The following NCK2 variants were observed in gnomAD, a reference collection of about 807,000 sequenced individuals.
NCK2 encodes the protein cytoplasmic protein NCK2.
In NCK2, 16 loss-of-function variants were observed where a neutral mutation model predicts 33.9. That is an observed-to-expected ratio of 0.47 (90% CI 0.32 to 0.72). NCK2 has a LOEUF of 0.72. Among genes scored for constraint, NCK2 ranks in the 30% least tolerant of loss-of-function variants. The pLI, the probability that NCK2 is intolerant of heterozygous loss-of-function variation, is 0.03. For synonymous variants in NCK2, 273 were observed against 239.9 expected, an observed-to-expected ratio of 1.14 and a Z score of -1.27; for missense variants, 418 against 537.3, an observed-to-expected ratio of 0.78 and a Z score of 2.19.
intron 1 of NCK2, among the ~76,000 whole-genome samples, chr2:105,789,616 T>C (rs1690806403): frequency 6.6e-6 from 1 of 152,250 alleles, no homozygotes; most frequent in African/African-American, 2.4e-5. Flanking sequence ...CATAAAATCC[T>C]TATAGGAGCA....
At chr2:105,820,315 G>A (rs143020992) in intron 2 of NCK2, among the ~76,000 whole-genome samples, 11 of 152,280 alleles carry the variant, frequency 7.2e-5, no homozygotes, top group African/African-American at 1.2e-4. Context: ...CATACACTTC[G>A]GCATGTCAGA....
chr2:105,815,194 A>G (rs1426084873), intron 1 of NCK2, among the ~76,000 whole-genome samples: 1 of 152,212 alleles, frequency 6.6e-6, no homozygotes, highest in Non-Finnish European at 1.5e-5. Flanking sequence ...TTTGGCCATC[A>G]CCTTTTCCTT....
At chr2:105,788,340 G>A (rs1690753958) in intron 1 of NCK2, among the ~76,000 whole-genome samples, 1 of 152,100 alleles carries the variant, frequency 6.6e-6, no homozygotes, top group Non-Finnish European at 1.5e-5. Context: ...AAAGGAGAGG[G>A]AAATTCTTTT....
intron 1 of NCK2, among the ~76,000 whole-genome samples, chr2:105,749,243 A>G (rs923513124): frequency 1.3e-5 from 2 of 151,984 alleles, no homozygotes; most frequent in African/African-American, 2.4e-5. Flanking sequence ...CCTTCTTTCT[A>G]CTGTTGTATT....
chr2:105,792,674 C>T (rs1690930232), intron 1 of NCK2, among the ~76,000 whole-genome samples: 1 of 151,982 alleles, frequency 6.6e-6, no homozygotes, highest in Admixed American at 6.6e-5. Flanking sequence ...ATTTGGGCTT[C>T]CCACAGTCTG....
intron 1 of NCK2, among the ~76,000 whole-genome samples, chr2:105,802,188 C>T (rs1356561720): frequency 1.3e-5 from 2 of 152,158 alleles, no homozygotes; most frequent in African/African-American, 2.4e-5. Flanking sequence ...GAACAATGGA[C>T]GGAAACTGAT....
chr2:105,799,823 C>T (rs538227504), intron 1 of NCK2, among the ~76,000 whole-genome samples: 9 of 152,314 alleles, frequency 5.9e-5, no homozygotes, highest in East Asian at 3.9e-4. Context: ...CCTTCCCCTC[C>T]GCCATCTTGC....
At chr2:105,769,067 C>G (rs367751146) in intron 1 of NCK2, among the ~76,000 whole-genome samples, 1 of 152,170 alleles carries the variant, frequency 6.6e-6, no homozygotes, top group African/African-American at 2.4e-5. Context: ...TCCAGGCTAT[C>G]TAGGGGCACC....
At chr2:105,838,367 A>G (rs1676513282) in intron 2 of NCK2, among the ~76,000 whole-genome samples, 1 of 151,454 alleles carries the variant, frequency 6.6e-6, no homozygotes, top group African/African-American at 2.4e-5. Flanking sequence ...CAGTCATTTA[A>G]TGAGCTTTCC....
At chr2:105,815,001 C>G (rs1207419106) in intron 1 of NCK2, among the ~76,000 whole-genome samples, 1 of 152,146 alleles carries the variant, frequency 6.6e-6, no homozygotes, top group African/African-American at 2.4e-5. Flanking sequence ...AGCACATTGC[C>G]CTTTGCTGAT....
chr2:105,877,763 G>A (rs1326636775), intron 3 of NCK2, among the ~76,000 whole-genome samples: 1 of 152,170 alleles, frequency 6.6e-6, no homozygotes, highest in Non-Finnish European at 1.5e-5. Context: ...GCCGCTATCA[G>A]AACTATGCTC....
chr2:105,828,717 TC>T (rs1431634347), intron 2 of NCK2, among the ~76,000 whole-genome samples: 1 of 152,160 alleles, frequency 6.6e-6, no homozygotes, highest in East Asian at 1.9e-4. Flanking sequence ...GGTCACCACT[TC>T]CCCCTTGGGG....
chr2:105,771,624 C>G (rs1389493099), intron 1 of NCK2, among the ~76,000 whole-genome samples: 3 of 152,166 alleles, frequency 2.0e-5, no homozygotes, highest in Admixed American at 6.5e-5. Context: ...TGTTTCTAAT[C>G]ATGTCACTTA....
At chr2:105,858,954 C>T (rs1558873396) in intron 3 of NCK2, among the ~76,000 whole-genome samples, 1 of 152,310 alleles carries the variant, frequency 6.6e-6, no homozygotes, top group African/African-American at 2.4e-5. Context: ...TAACAGGGAA[C>T]AATGATCAAG....
chr2:105,794,354 A>G (rs182105356), intron 1 of NCK2, among the ~76,000 whole-genome samples: 82 of 152,182 alleles, frequency 5.4e-4, no homozygotes, highest in Admixed American at 1.8e-3. Context: ...GCCTGGCTGA[A>G]TCCTTTGATT....
chr2:105,808,676 A>G (rs1235275258), intron 1 of NCK2, among the ~76,000 whole-genome samples: 1 of 152,234 alleles, frequency 6.6e-6, no homozygotes, highest in African/African-American at 2.4e-5. Context: ...TTAAAATAAA[A>G]TCGACTTAAA....
intron 1 of NCK2, among the ~76,000 whole-genome samples, chr2:105,785,702 C>T (rs1056764768): frequency 6.6e-6 from 1 of 152,174 alleles, no homozygotes; most frequent in Non-Finnish European, 1.5e-5. Flanking sequence ...GGCAGCCCTG[C>T]CGAGGTTAAG....
intron 1 of NCK2, among the ~76,000 whole-genome samples, chr2:105,786,647 T>A (rs1041114565): frequency 1.3e-5 from 2 of 152,206 alleles, no homozygotes; most frequent in Non-Finnish European, 2.9e-5. Context: ...AAGCACTGTG[T>A]CCCTGTGGTG....
intron 1 of NCK2, among the ~76,000 whole-genome samples, chr2:105,767,664 C>T (rs941387764): frequency 1.1e-4 from 17 of 152,206 alleles, no homozygotes; most frequent in African/African-American, 3.6e-4. Flanking sequence ...AGGCCTTTTC[C>T]AGAAGAAGAA....
Sources: gnomAD v4.1 joint callset for allele counts (sites outside exome capture counted in the v4.1 genomes callset) on GRCh38, gnomAD v4.1.1 for gene constraint, MANE v1.5 for transcripts, NCBI Gene and HGNC (gene_info 2026-07-23, HGNC 2026-07-21) for gene names.